The following TRHDE variants were observed in gnomAD, a reference collection of about 807,000 sequenced individuals.
The protein encoded by TRHDE is thyrotropin-releasing hormone-degrading ectoenzyme.
A neutral mutation model predicts 125.7 loss-of-function variants in TRHDE; 72 were observed. The observed-to-expected ratio is 0.57, with a 90% CI of 0.47 to 0.70. The LOEUF is 0.70. Among genes scored for constraint, TRHDE ranks in the 30% least tolerant of loss-of-function variants. TRHDE has a pLI of 0.00. For missense variants in TRHDE, 1,110 were observed against 1,327.1 expected (o/e 0.84, Z 2.54); for synonymous variants, 509 against 509.1 (o/e 1.00, Z 0.00).
intron 2 of TRHDE, among the ~76,000 whole-genome samples, chr12:72,186,913 C>T (rs1877227808): frequency 6.6e-6 from 1 of 151,796 alleles, no homozygotes; most frequent in Non-Finnish European, 1.5e-5. Flanking sequence ...GATAAAGAGT[C>T]TGTGTTGCCA....
chr12:72,154,720 C>T (rs1198216769), intron 2 of TRHDE, among the ~76,000 whole-genome samples: 1 of 152,170 alleles, frequency 6.6e-6, no homozygotes, highest in Non-Finnish European at 1.5e-5. Flanking sequence ...TGAATATTGG[C>T]CCCCACTCTC....
intron 9 of TRHDE, 39 bp from the exon 10 acceptor site, chr12:72,568,529 A>G (rs765166828): frequency 6.8e-7 from 1 of 1,467,766 alleles, no homozygotes; most frequent in African/African-American, 1.4e-5. Flanking sequence ...GTTTCGATAT[A>G]GTTATTTTTA....
Position 72,563,040 on chromosome 12 carries a change from G to T in TRHDE, c.2042G>T (p.Ser681Ile). The T allele has an allele frequency of 1.3e-6, 2 of 1,565,082 alleles. No individual in the cohort carries two copies. Among genetic ancestry groups the T allele is most frequent in the Admixed American group, 2.0e-5 (1 of 49,992 alleles). ...KTKALKLQNN[S>I]YLWQIPLTIV... is the part of the protein sequence containing the mutation. ...AAAGCACTTAAACTTCAGAATAACAGGTATGACATTCTTTTTTACGTGAAA... is the reference window on the plus strand; with the variant it reads ...AAAGCACTTAAACTTCAGAATAACATGTATGACATTCTTTTTTACGTGAAA... Residue 681 changes from serine to isoleucine, a missense_variant and splice_region_variant, in exon 9 of 19, where the codon AGT becomes ATT. Physicochemically the swap from Ser to Ile is moderately radical, Grantham distance 142. Coordinates refer to ENST00000261180, the MANE Select transcript of TRHDE (RefSeq NM_013381.3).
rs1047121638 is a variant in TRHDE, at chr12:72,412,627, C to T, written c.1315+34506C>T. Among the ~76,000 whole-genome samples the T allele has an allele frequency of 3.3e-5, 5 of 151,992 alleles. No individual in the cohort carries two copies. The South Asian group carries it at 1.0e-3, about 32-fold the overall frequency. ...GTGGACAACAATGTTCAAAGCAGAACTGTTTATAATAGCCAAACACCAGAA... is the reference window on the plus strand; with the variant it reads ...GTGGACAACAATGTTCAAAGCAGAATTGTTTATAATAGCCAAACACCAGAA... On this transcript the variant is annotated intron_variant, in intron 3 of 18. Transcript: ENST00000261180.
intron 2 of TRHDE, chr12:72,255,447 T>G (rs1313567457): frequency 6.6e-6 from 1 of 152,266 alleles, no homozygotes; most frequent in Non-Finnish European, 1.5e-5. Context: ...TGTGATCCAT[T>G]GTGAGTAGGT....
intron 15 of TRHDE, among the ~76,000 whole-genome samples, chr12:72,632,347 A>T (rs1409950730): frequency 6.6e-6 from 1 of 151,982 alleles, no homozygotes; most frequent in Non-Finnish European, 1.5e-5. Flanking sequence ...GTGAAGAAGC[A>T]GTTTAAATAT....
intron 2 of TRHDE, among the ~76,000 whole-genome samples, chr12:72,141,012 A>G (rs1876099762): frequency 1.3e-5 from 2 of 152,128 alleles, no homozygotes; most frequent in Admixed American, 1.3e-4. Context: ...AAATAAGATT[A>G]TAGGATGCCA....
intron 2 of TRHDE, among the ~76,000 whole-genome samples, chr12:72,183,166 T>A (rs1045134959): frequency 6.6e-6 from 1 of 152,194 alleles, no homozygotes. Context: ...AACCAAGCCA[T>A]CCCTAAGACA....
At chr12:72,381,418 C>T (rs1872171496) in intron 3 of TRHDE, among the ~76,000 whole-genome samples, 1 of 138,132 alleles carries the variant, frequency 7.2e-6, no homozygotes, top group Non-Finnish European at 1.5e-5. Flanking sequence ...TTTTTTGAGA[C>T]GGAGTCTCGC....
intron 3 of TRHDE, among the ~76,000 whole-genome samples, chr12:72,382,340 G>A (rs576049957): frequency 7.9e-5 from 12 of 151,942 alleles, no homozygotes; most frequent in Non-Finnish European, 1.3e-4. Context: ...GGTTGGGGAG[G>A]GGGGGACAGT....
intron 17 of TRHDE, 47 bp from the exon 18 acceptor site, chr12:72,656,880 T>A (rs752711749): frequency 2.6e-5 from 34 of 1,291,548 alleles, no homozygotes; most frequent in Non-Finnish European, 3.7e-5. Context: ...TAATATTTTT[T>A]AAAATTATGA....
chr12:72,203,459 CTCTG>C (rs1291644391), intron 2 of TRHDE, among the ~76,000 whole-genome samples: 2 of 151,788 alleles, frequency 1.3e-5, no homozygotes, highest in African/African-American at 4.8e-5. Flanking sequence ...CAGAGCGAGA[CTCTG>C]TCTCAAAAAA....
intron 3 of TRHDE, among the ~76,000 whole-genome samples, chr12:72,389,032 C>T (rs1460824717): frequency 5.3e-5 from 8 of 151,718 alleles, no homozygotes; most frequent in African/African-American, 1.9e-4. Context: ...ATCAGCAATC[C>T]CTGTCCTCAT....
chr12:72,345,308 G>T (rs1316547662), intron 2 of TRHDE, among the ~76,000 whole-genome samples: 1 of 152,024 alleles, frequency 6.6e-6, no homozygotes. Flanking sequence ...AGTATTTGCT[G>T]ATTTATATGG....
chr12:72,341,625 A>G (rs896155424), intron 2 of TRHDE, among the ~76,000 whole-genome samples: 1 of 152,088 alleles, frequency 6.6e-6, no homozygotes, highest in Non-Finnish European at 1.5e-5. Flanking sequence ...TGAAAATTGG[A>G]TGAATTGAAA....
chr12:72,244,403 G>T (rs568574994), intron 2 of TRHDE, among the ~76,000 whole-genome samples: 1 of 152,082 alleles, frequency 6.6e-6, no homozygotes, highest in East Asian at 1.9e-4. Context: ...CCATTCTTTT[G>T]GCTATTAATT....
intron 15 of TRHDE, among the ~76,000 whole-genome samples, chr12:72,644,090 A>C (rs1874179663): frequency 6.6e-6 from 1 of 152,204 alleles, no homozygotes; most frequent in Admixed American, 6.5e-5. Context: ...ACAATGATTC[A>C]GCAACAATTT....
At chr12:72,326,869 T>C (rs569407932) in intron 2 of TRHDE, among the ~76,000 whole-genome samples, 4 of 152,332 alleles carry the variant, frequency 2.6e-5, no homozygotes, top group African/African-American at 9.6e-5. Context: ...TTGACTTAAA[T>C]GGTGAACACT....
chr12:72,487,595 G>A (rs1877473679), intron 5 of TRHDE, among the ~76,000 whole-genome samples: 1 of 151,976 alleles, frequency 6.6e-6, no homozygotes, highest in African/African-American at 2.4e-5. Flanking sequence ...ACAAGCAAAA[G>A]CTAAATGAAT....
Sources: gnomAD v4.1 joint callset for allele counts (sites outside exome capture counted in the v4.1 genomes callset) on GRCh38, gnomAD v4.1.1 for gene constraint, MANE v1.5 for transcripts, NCBI Gene and HGNC (gene_info 2026-07-23, HGNC 2026-07-21) for gene names.